Variants in TTLL7 observed in about 807,000 individuals in gnomAD.
TTLL7 encodes the protein tubulin polyglutamylase TTLL7.
A neutral mutation model predicts 120.2 loss-of-function variants in TTLL7; 53 were observed. The ratio of observed to expected loss-of-function variants is 0.44; its 90% CI spans 0.35 to 0.55. The LOEUF is 0.55. Among genes scored for constraint, TTLL7 ranks in the 20% least tolerant of loss-of-function variants. The pLI, the probability that TTLL7 is intolerant of heterozygous loss-of-function variation, is 0.00. For synonymous variants in TTLL7, 353 were observed against 351.7 expected (o/e 1.00, Z -0.04); for missense variants, 803 against 1,054.7 (o/e 0.76, Z 3.31).
chr1:83,987,170 T>C (rs6663949), intron 1 of TTLL7, among the ~76,000 whole-genome samples: 73,474 of 151,076 alleles, frequency 0.49, 18,812 homozygotes, highest in Non-Finnish European at 0.57. Context: ...AAATTTAAAA[T>C]ATAGGTATAA....
At chr1:83,885,723 A>G (rs1202551016) in intron 19 of TTLL7, among the ~76,000 whole-genome samples, 1 of 152,094 alleles carries the variant, frequency 6.6e-6, no homozygotes, top group Non-Finnish European at 1.5e-5. Context: ...AACTGAGTAC[A>G]GAACTGTATC....
rs746671938 is a variant in TTLL7, at chr1:83,882,988, T to G, written c.2518A>C (p.Ile840Leu). 1 of 1,612,400 alleles carries G rather than the reference T, an allele frequency of 6.2e-7. No individual in the cohort carries two copies. Among genetic ancestry groups the G allele is most frequent in the East Asian group, 2.2e-5 (1 of 44,834 alleles). ...ATDKRGSLSG[I>L]GPDWGNSRYL... ...CTGGAATTACCCCAGTCAGGACCAA[T>G]GCCTGAAAGTGATCCTCTTTTGTCA... The change falls in exon 20 of 21, where the codon ATT becomes CTT. Residue 840 changes from isoleucine (I) to leucine (L), a missense_variant. Ile to Leu is a conservative substitution (Grantham distance 5, BLOSUM62 2). Coordinates refer to ENST00000260505, the MANE Select transcript of TTLL7 (RefSeq NM_024686.6).
chr1:83,872,928 G>T (rs1653569273), intron 20 of TTLL7, among the ~76,000 whole-genome samples: 1 of 152,148 alleles, frequency 6.6e-6, no homozygotes, highest in African/African-American at 2.4e-5. Flanking sequence ...CTCCTACCTA[G>T]TAAGTGGCAG....
chr1:83,940,818 T>C (rs1647883367), intron 7 of TTLL7, among the ~76,000 whole-genome samples: 1 of 152,126 alleles, frequency 6.6e-6, no homozygotes, highest in Non-Finnish European at 1.5e-5. Flanking sequence ...TTCCCATCCA[T>C]CTCCACCCCC....
intron 9 of TTLL7, among the ~76,000 whole-genome samples, chr1:83,929,967 C>A (rs1659461142): frequency 6.6e-6 from 1 of 152,066 alleles, no homozygotes; most frequent in Non-Finnish European, 1.5e-5. Flanking sequence ...TCTGTCACCA[C>A]AAGAGACAAA....
intron 20 of TTLL7, among the ~76,000 whole-genome samples, chr1:83,878,336 T>C (rs1654124232): frequency 1.3e-5 from 2 of 151,836 alleles, no homozygotes; most frequent in Admixed American, 6.6e-5. Context: ...AAAAAATTTA[T>C]ATCTTTACTG....
intron 20 of TTLL7, among the ~76,000 whole-genome samples, chr1:83,871,739 C>CA (rs1227414402): frequency 2.6e-5 from 4 of 151,018 alleles, no homozygotes; most frequent in African/African-American, 4.9e-5. Flanking sequence ...ACTAAAAATA[C>CA]AAAAAAAATT....
At chr1:83,948,861 A>G in intron 4 of TTLL7, 166 bp from the exon 5 acceptor site, 1 of 494,376 alleles carries the variant, frequency 2.0e-6, no homozygotes, top group South Asian at 4.2e-5. Flanking sequence ...TGTAGAATTA[A>G]AGAGTATGGT....
intron 12 of TTLL7, chr1:83,920,398 G>A (rs1468528796): frequency 6.6e-6 from 1 of 152,548 alleles, no homozygotes; most frequent in Non-Finnish European, 1.5e-5. Flanking sequence ...CAGTGGTTCT[G>A]ATGATCTCTT....
chr1:83,874,938 T>C (rs990668274), intron 20 of TTLL7, among the ~76,000 whole-genome samples: 4 of 151,612 alleles, frequency 2.6e-5, no homozygotes, highest in Non-Finnish European at 5.9e-5. Context: ...TCTCTGTTCT[T>C]AGATAGATAT....
In TTLL7 at chr1:83,946,684, T is replaced by A. The variant is rs116167443; in HGVS notation, c.506+440A>T. On this transcript the variant is annotated intron_variant, in intron 6 of 20. Coordinates refer to ENST00000260505, the MANE Select transcript of TTLL7 (RefSeq NM_024686.6). ...ATGGCTACATAAAGAAAAAACTTATTTAAAGGCAAAGAAGATATGTATTTT... is the reference window on the plus strand; with the variant it reads ...ATGGCTACATAAAGAAAAAACTTATATAAAGGCAAAGAAGATATGTATTTT... 3.0e-3 allele frequency among the ~76,000 whole-genome samples: 458 copies of A among 152,290 alleles called. 2 individuals are homozygous for A. Among genetic ancestry groups the A allele is most frequent in the African/African-American group, 0.01 (424 of 41,550 alleles).
intron 17 of TTLL7, among the ~76,000 whole-genome samples, chr1:83,905,531 A>C (rs916269891): frequency 8.0e-5 from 12 of 149,276 alleles, no homozygotes; most frequent in Admixed American, 2.7e-4. Context: ...GGAAAAAAAA[A>C]CATATATTTT....
chr1:83,891,254 G>T (rs1655436051), intron 18 of TTLL7, among the ~76,000 whole-genome samples: 1 of 151,688 alleles, frequency 6.6e-6, no homozygotes, highest in Non-Finnish European at 1.5e-5. Context: ...AATATATAAA[G>T]AATGTTTACC....
chr1:83,920,411 G>A (rs1293371454), intron 12 of TTLL7: 2 of 152,644 alleles, frequency 1.3e-5, no homozygotes, highest in Admixed American at 1.3e-4. Context: ...GATCTCTTTT[G>A]TAGTGGTGGA....
chr1:83,968,329 T>C (rs111342231), intron 1 of TTLL7, among the ~76,000 whole-genome samples: 64 of 152,040 alleles, frequency 4.2e-4, no homozygotes, highest in African/African-American at 1.4e-3. Context: ...TTTTCTGCTC[T>C]CCTTATTCAT....
intron 1 of TTLL7, among the ~76,000 whole-genome samples, chr1:83,968,742 T>C (rs12759527): frequency 0.43 from 64,701 of 151,834 alleles, 15,370 homozygotes; most frequent in Non-Finnish European, 0.54. Flanking sequence ...GCCGACTTCA[T>C]GATCTAAATC....
intron 1 of TTLL7, among the ~76,000 whole-genome samples, chr1:83,961,568 A>G (rs1291399854): frequency 6.6e-6 from 1 of 152,096 alleles, no homozygotes; most frequent in Admixed American, 6.6e-5. Flanking sequence ...TCCAGTACCG[A>G]GGATAATGAA....
chr1:83,918,613 C>A (rs1658387830), intron 13 of TTLL7, among the ~76,000 whole-genome samples: 1 of 151,886 alleles, frequency 6.6e-6, no homozygotes, highest in Admixed American at 6.6e-5. Context: ...GATAGCAGTA[C>A]AATATAGCCA....
chr1:83,956,402 G>C (rs961411412), intron 1 of TTLL7, among the ~76,000 whole-genome samples: 1 of 150,822 alleles, frequency 6.6e-6, no homozygotes, highest in Non-Finnish European at 1.5e-5. Context: ...TGAGATTACA[G>C]GCATGAGCTA....
Sources: gnomAD v4.1 joint callset for allele counts (sites outside exome capture counted in the v4.1 genomes callset) on GRCh38, gnomAD v4.1.1 for gene constraint, MANE v1.5 for transcripts, NCBI Gene and HGNC (gene_info 2026-07-23, HGNC 2026-07-21) for gene names.